CALN1: variants seen among roughly 807,000 people sequenced by gnomAD.
The protein encoded by CALN1 is calcium-binding protein 8.
A neutral mutation model predicts 30.6 loss-of-function variants in CALN1; 17 were observed. The ratio of observed to expected loss-of-function variants is 0.56; its 90% CI spans 0.38 to 0.83. The LOEUF (loss-of-function observed/expected upper bound fraction) is 0.83, where lower values mean the gene tolerates loss of function less well. Ranked by LOEUF, CALN1 falls within the 40% of genes least tolerant of loss-of-function variation. The pLI, the probability that CALN1 is intolerant of heterozygous loss-of-function variation, is 0.00. For synonymous variants in CALN1, 156 were observed against 131.4 expected (o/e 1.19, Z -1.28); for missense variants, 291 against 354.9 (o/e 0.82, Z 1.45).
At chr7:72,276,399 TG>T (rs1797335965) in intron 3 of CALN1, among the ~76,000 whole-genome samples, 1 of 152,194 alleles carries the variant, frequency 6.6e-6, no homozygotes, top group African/African-American at 2.4e-5. Context: ...AATGCCTATG[TG>T]GAAACCTAAC....
chr7:71,959,474 A>G (rs751914936), intron 5 of CALN1, among the ~76,000 whole-genome samples: 19 of 152,166 alleles, frequency 1.2e-4, no homozygotes, highest in Non-Finnish European at 2.2e-4. Flanking sequence ...AGGAACATCT[A>G]CCAAAACGAC....
At chr7:72,304,858 T>G (rs1023868218) in intron 2 of CALN1, among the ~76,000 whole-genome samples, 1 of 152,244 alleles carries the variant, frequency 6.6e-6, no homozygotes, top group African/African-American at 2.4e-5. Context: ...TATATTTAGT[T>G]GTTTAACCTC....
chr7:72,398,086 G>A (rs1585659487), intron 2 of CALN1, among the ~76,000 whole-genome samples: 1 of 152,172 alleles, frequency 6.6e-6, no homozygotes. Context: ...TTGGACACCT[G>A]TTAGGGACAG....
chr7:72,085,982 A>C (rs117629430), intron 4 of CALN1, among the ~76,000 whole-genome samples: 1,859 of 152,282 alleles, frequency 0.012, 22 homozygotes, highest in Middle Eastern at 0.037. Context: ...TATAAGGAAA[A>C]TCATCTGAAA....
At chr7:72,370,429 C>T (rs543566436) in intron 2 of CALN1, among the ~76,000 whole-genome samples, 49 of 151,584 alleles carry the variant, frequency 3.2e-4, no homozygotes, top group Non-Finnish European at 6.2e-4. Flanking sequence ...CTGAGGCAGG[C>T]GGATCACGAG....
intron 3 of CALN1, among the ~76,000 whole-genome samples, chr7:72,229,663 T>C (rs1793939890): frequency 6.6e-6 from 1 of 151,960 alleles, no homozygotes; most frequent in Non-Finnish European, 1.5e-5. Context: ...ACCATCATTC[T>C]CAGCCAACTA....
At chr7:72,306,636 GA>G (rs927419034) in intron 2 of CALN1, among the ~76,000 whole-genome samples, 28 of 131,818 alleles carry the variant, frequency 2.1e-4, no homozygotes, top group Non-Finnish European at 3.7e-4. Flanking sequence ...AAAAAAAGAA[GA>G]AAAAAAAAGA....
intron 3 of CALN1, among the ~76,000 whole-genome samples, chr7:72,128,340 T>C (rs747365894): frequency 6.6e-6 from 1 of 152,008 alleles, no homozygotes; most frequent in Non-Finnish European, 1.5e-5. Flanking sequence ...TGGGGAAAGA[T>C]GAATCCAAAA....
chr7:72,304,125 G>A (rs540686740), intron 2 of CALN1, among the ~76,000 whole-genome samples: 17 of 152,294 alleles, frequency 1.1e-4, no homozygotes, highest in Admixed American at 3.9e-4. Context: ...CGAAACCACC[G>A]TCTTTCAGAC....
intron 3 of CALN1, among the ~76,000 whole-genome samples, chr7:72,241,367 A>G (rs1351072084): frequency 1.3e-5 from 2 of 152,132 alleles, no homozygotes; most frequent in Non-Finnish European, 2.9e-5. Context: ...AAAGTCAAGA[A>G]TGGTACGAGC....
chr7:72,390,854 G>T (rs1805534873), intron 2 of CALN1, among the ~76,000 whole-genome samples: 1 of 152,164 alleles, frequency 6.6e-6, no homozygotes, highest in Admixed American at 6.5e-5. Flanking sequence ...CCATGCTTAT[G>T]TATAATACAT....
chr7:71,927,874 T>C (rs79641332), intron 5 of CALN1, among the ~76,000 whole-genome samples: 3,093 of 151,990 alleles, frequency 0.02, 96 homozygotes, highest in African/African-American at 0.071. Flanking sequence ...AACGGGAGAG[T>C]TTCTTGCTCT....
In CALN1 at chr7:72,412,084, T is replaced by G. The variant is rs1807205498; in HGVS notation, c.-100A>C. 1 of 152,292 alleles carries G rather than the reference T, an allele frequency of 6.6e-6. No individual in the cohort carries two copies. Among genetic ancestry groups the G allele is most frequent in the South Asian group, 2.0e-4 (1 of 4,890 alleles). The allele number at this position is 152,292 out of a possible 1,614,324, so 9.4% of individuals were successfully genotyped here. On this transcript the variant is annotated 5_prime_UTR_variant, in exon 1 of 7. Coordinates refer to ENST00000395275, the MANE Select transcript of CALN1 (RefSeq NM_031468.4). ...TGTGTGCGGAATTTATTCCTTCTGC[T>G]GGGTTGTTGGTCTCGCCGACTTTAA...
At chr7:72,442,282 TG>T (rs1808372456) in intron 1 of CALN1, among the ~76,000 whole-genome samples, 1 of 152,204 alleles carries the variant, frequency 6.6e-6, no homozygotes, top group South Asian at 2.1e-4. Flanking sequence ...CATTTAAAAA[TG>T]TTTCTCCTCT....
At chr7:72,379,104 T>C (rs1051346473) in intron 2 of CALN1, among the ~76,000 whole-genome samples, 18 of 152,206 alleles carry the variant, frequency 1.2e-4, no homozygotes, top group Non-Finnish European at 1.3e-4. Flanking sequence ...CAAAATTTTG[T>C]AAAGAATATT....
intron 4 of CALN1, among the ~76,000 whole-genome samples, chr7:72,042,773 G>C (rs377458358): frequency 4.6e-5 from 7 of 152,032 alleles, no homozygotes; most frequent in South Asian, 2.1e-4. Flanking sequence ...AAGGAAAAAG[G>C]GTGCTTAGCA....
rs145018943 is a variant in CALN1 at position 71,856,071 on chromosome 7, T to C, written c.502-45579A>G. Among the ~76,000 whole-genome samples the C allele has an allele frequency of 2.1e-4, 32 of 152,066 alleles. No homozygotes were observed. The East Asian group carries it at 6.0e-3, about 28-fold the overall frequency. On this transcript the variant is annotated intron_variant, in intron 5 of 6. Coordinates refer to ENST00000395275, the MANE Select transcript of CALN1 (RefSeq NM_031468.4). ...TGTATATATTTGAGAGTTTCAAATA[T>C]ATATGAATATATTAAAGATATGCAT...
chr7:71,832,578 AG>A (rs746377862), intron 5 of CALN1, among the ~76,000 whole-genome samples: 4 of 152,010 alleles, frequency 2.6e-5, no homozygotes, highest in Non-Finnish European at 4.4e-5. Context: ...ATTGAGTCCA[AG>A]TTCTGAAACA....
At chr7:72,040,520 T>G (rs932761533) in intron 4 of CALN1, among the ~76,000 whole-genome samples, 1 of 152,132 alleles carries the variant, frequency 6.6e-6, no homozygotes, top group Non-Finnish European at 1.5e-5. Context: ...TGAATTAAAT[T>G]TAAAAAGTGT....
Sources: gnomAD v4.1 joint callset for allele counts (sites outside exome capture counted in the v4.1 genomes callset) on GRCh38, gnomAD v4.1.1 for gene constraint, MANE v1.5 for transcripts, NCBI Gene and HGNC (gene_info 2026-07-23, HGNC 2026-07-21) for gene names.